The following NTM variants were observed in gnomAD, a reference collection of about 807,000 sequenced individuals.
NTM encodes the protein neurotrimin, also known as IgLON family member 2.
In NTM, 13 loss-of-function variants were observed where a neutral mutation model predicts 42.1. The ratio of observed to expected loss-of-function variants is 0.31; its 90% confidence interval spans 0.20 to 0.49. The LOEUF is 0.49. NTM is among the 20% of genes least tolerant of loss of function. NTM has a pLI of 0.99. For missense variants in NTM, 373 were observed against 452.8 expected (o/e 0.82, Z 1.60); for synonymous variants, 187 against 179.2 (o/e 1.04, Z -0.35).
chr11:131,700,766 A>G (rs1442626631), intron 1 of NTM, among the ~76,000 whole-genome samples: 1 of 152,190 alleles, frequency 6.6e-6, no homozygotes, highest in East Asian at 1.9e-4. Flanking sequence ...TATTGACACC[A>G]TCTTTTAACC....
chr11:132,136,146 G>A (rs948998160), intron 2 of NTM, among the ~76,000 whole-genome samples: 1 of 152,174 alleles, frequency 6.6e-6, no homozygotes, highest in African/African-American at 2.4e-5. Flanking sequence ...AGAAGGATGA[G>A]CCTCCAGCCC....
chr11:131,936,224 G>A lies in NTM; in HGVS notation c.167+24576G>A, dbSNP rs535443442. 2.2e-4 allele frequency among the ~76,000 whole-genome samples: 33 copies of A among 152,266 alleles called. No homozygotes were observed. In the East Asian group the frequency reaches 6.2e-3, roughly 29 times the overall value. Reference sequence around the variant, plus strand: ...ACGTTGGTTAAAATTAAAATAATAAGTTTGAACATACAGGATTAAACTTCA... The same window carrying A: ...ACGTTGGTTAAAATTAAAATAATAAATTTGAACATACAGGATTAAACTTCA... On this transcript the variant is annotated intron_variant, in intron 2 of 8. Coordinates refer to ENST00000683400, the MANE Select transcript of NTM (RefSeq NM_001352005.2).
At chr11:131,583,570 G>A (rs1278834295) in intron 1 of NTM, among the ~76,000 whole-genome samples, 2 of 152,118 alleles carry the variant, frequency 1.3e-5, no homozygotes, top group Admixed American at 6.5e-5. Flanking sequence ...CAGACACTGT[G>A]CTTTTTTGTG....
chr11:131,859,664 T>C (rs577875478), intron 1 of NTM, among the ~76,000 whole-genome samples: 1 of 152,274 alleles, frequency 6.6e-6, no homozygotes, highest in African/African-American at 2.4e-5. Flanking sequence ...ATCTGGAAAA[T>C]AGGAATAATA....
intron 1 of NTM, among the ~76,000 whole-genome samples, chr11:131,636,519 G>A (rs2064408857): frequency 6.6e-6 from 1 of 152,150 alleles, no homozygotes. Flanking sequence ...GGACACGGAG[G>A]GTCAACTGAA....
intron 1 of NTM, among the ~76,000 whole-genome samples, chr11:131,674,670 A>G (rs2071045604): frequency 6.6e-6 from 1 of 152,106 alleles, no homozygotes; most frequent in African/African-American, 2.4e-5. Flanking sequence ...AACCAGCCTT[A>G]TTGTTCCCAT....
At chr11:131,926,181 C>G (rs148731951) in intron 2 of NTM, among the ~76,000 whole-genome samples, 3 of 152,074 alleles carry the variant, frequency 2.0e-5, no homozygotes, top group Non-Finnish European at 4.4e-5. Context: ...TCCTCGCTGA[C>G]GATGTTGTTC....
chr11:131,721,997 A>G (rs1266244818), intron 1 of NTM, among the ~76,000 whole-genome samples: 7 of 110,826 alleles, frequency 6.3e-5, no homozygotes, highest in African/African-American at 3.1e-4. Flanking sequence ...ACTCTGTCTC[A>G]AAAAAAAAAA....
intron 1 of NTM, among the ~76,000 whole-genome samples, chr11:131,792,047 T>C (rs2091009751): frequency 6.6e-6 from 1 of 152,156 alleles, no homozygotes; most frequent in Non-Finnish European, 1.5e-5. Context: ...CTATCTGCAT[T>C]TGGGGCATGA....
chr11:131,928,909 A>G (rs1231833556), intron 2 of NTM, among the ~76,000 whole-genome samples: 1 of 152,196 alleles, frequency 6.6e-6, no homozygotes, highest in Non-Finnish European at 1.5e-5. Context: ...TGCAAACAGC[A>G]TCATTCTCAC....
At chr11:132,198,691 A>G (rs956073338) in intron 3 of NTM, among the ~76,000 whole-genome samples, 1 of 152,212 alleles carries the variant, frequency 6.6e-6, no homozygotes, top group Non-Finnish European at 1.5e-5. Flanking sequence ...GCAGATTTGC[A>G]TAGAGCCCTT....
At chr11:132,193,438 AAAAAT>A (rs1355086299) in intron 3 of NTM, among the ~76,000 whole-genome samples, 1 of 152,136 alleles carries the variant, frequency 6.6e-6, no homozygotes, top group Non-Finnish European at 1.5e-5. Flanking sequence ...GTAAAAATAA[AAAAAT>A]AAAAACAATT....
At chr11:132,117,128 C>A (rs1307573197) in intron 2 of NTM, among the ~76,000 whole-genome samples, 2 of 152,170 alleles carry the variant, frequency 1.3e-5, no homozygotes, top group Non-Finnish European at 2.9e-5. Context: ...TATTAGAAAT[C>A]GTGAGTGTTC....
chr11:132,081,221 G>A lies in NTM; in HGVS notation c.168-65061G>A, dbSNP rs551172458. ...AATGGTGAGACTTGGAAATGAGAAT[G>A]GATAATTAGAAATTTGTCATGTGGA... On this transcript the variant is annotated intron_variant, in intron 2 of 8. Coordinates refer to ENST00000683400, the MANE Select transcript of NTM (RefSeq NM_001352005.2). Among the ~76,000 whole-genome samples the A allele has an allele frequency of 4.5e-4, 69 of 152,178 alleles. 1 individual carries two copies. Among genetic ancestry groups the A allele is most frequent in the Admixed American group, 3.9e-4 (6 of 15,288 alleles).
chr11:131,697,748 C>T (rs1190557717), intron 1 of NTM, among the ~76,000 whole-genome samples: 3 of 152,142 alleles, frequency 2.0e-5, no homozygotes, highest in African/African-American at 7.2e-5. Flanking sequence ...ACATGAATTC[C>T]TGCATAGTCC....
chr11:131,939,444 T>C (rs1039228167), intron 2 of NTM, among the ~76,000 whole-genome samples: 1 of 151,928 alleles, frequency 6.6e-6, no homozygotes, highest in African/African-American at 2.4e-5. Flanking sequence ...TGGTAGTAAT[T>C]GGAGAGGTAA....
intron 1 of NTM, among the ~76,000 whole-genome samples, chr11:131,813,373 A>C (rs1342177586): frequency 6.6e-6 from 1 of 152,176 alleles, no homozygotes; most frequent in Non-Finnish European, 1.5e-5. Flanking sequence ...GGGGATGCAA[A>C]GATGAATAAT....
intron 1 of NTM, among the ~76,000 whole-genome samples, chr11:131,598,484 T>C (rs2060003336): frequency 6.6e-6 from 1 of 152,166 alleles, no homozygotes; most frequent in African/African-American, 2.4e-5. Context: ...AAAGGTCTAT[T>C]GCTCCCACAC....
chr11:132,182,273 C>A (rs1455652549), intron 3 of NTM, among the ~76,000 whole-genome samples: 1 of 151,988 alleles, frequency 6.6e-6, no homozygotes, highest in African/African-American at 2.4e-5. Flanking sequence ...CTGCTCTTTC[C>A]ACTCTTATAG....
Sources: allele counts gnomAD v4.1 joint callset (sites outside exome capture counted in the v4.1 genomes callset), GRCh38; gene constraint gnomAD v4.1.1; transcripts MANE v1.5; gene names NCBI Gene and HGNC (gene_info 2026-07-23, HGNC 2026-07-21).